NAGPA: variants seen among roughly 807,000 people sequenced by gnomAD.
NAGPA encodes alpha-N-acetylglucosaminyl phosphodiesterase.
Under a neutral mutation model 48.5 loss-of-function variants are expected in NAGPA, and 56 were observed. That is an observed-to-expected ratio of 1.15 (90% CI 0.93 to 1.44). The LOEUF is 1.44. Among genes scored for constraint, NAGPA ranks in the 40% most tolerant of loss-of-function variants. The pLI, the probability that NAGPA is intolerant of heterozygous loss-of-function variation, is 0.00. For synonymous variants in NAGPA, 399 were observed against 315.5 expected (o/e 1.26, Z -2.81); for missense variants, 888 against 735.0 (o/e 1.21, Z -2.41).
In NAGPA at chr16:5,033,328, C is replaced by G. The variant is rs1956138349; in HGVS notation, c.487G>C (p.Gly163Arg). Residue 163 changes from glycine (G) to arginine (R), a missense_variant, in exon 2 of 10, where the codon GGG (glycine) becomes CGG (arginine). Physicochemically the swap from Gly to Arg is moderately radical, Grantham distance 125. Coordinates refer to ENST00000312251, the MANE Select transcript of NAGPA (RefSeq NM_016256.4). This position sits in a 1 kb window ranked among gnomAD's most constrained non-coding sequence, Gnocchi z 4.2. ...VSDERRVSSSGGLQNAQFGIR... is the reference protein window; with the variant it reads ...VSDERRVSSSRGLQNAQFGIR... Reference sequence around the variant, plus strand: ...CCGAACTGCGCGTTCTGCAGCCCCCCGGAGCTGCTCACCCGCCGCTCGTCG... The same window carrying G: ...CCGAACTGCGCGTTCTGCAGCCCCCGGGAGCTGCTCACCCGCCGCTCGTCG... The G allele has an allele frequency of 6.3e-6, 10 of 1,597,468 alleles. No homozygotes were observed. The highest frequency in any genetic ancestry group is 8.5e-6 in the Non-Finnish European group (10 of 1,179,466).
At position 5,027,979 on chromosome 16, in the gene NAGPA, C is replaced by G. The variant is rs774053906; in HGVS notation, c.1126+1G>C. 6.2e-7 allele frequency: 1 copy of G among 1,613,704 alleles called. No individual in the cohort carries two copies. The highest frequency in any genetic ancestry group is 1.3e-5 in the African/African-American group (1 of 74,882). On this transcript the variant is annotated splice_donor_variant, in intron 6 of 9. Transcript: ENST00000312251. LOFTEE classifies it high-confidence loss of function. ...GCCCCCTCCCCAGAACCCCCACTCA[C>G]TCTCCGTGCACAGTCCGTGCTGGCT...
At chr16:5,027,234 G>A in intron 8 of NAGPA, 36 bp from the exon 9 acceptor site, 2 of 1,614,192 alleles carry the variant, frequency 1.2e-6, no homozygotes. Context: ...AGGGGCCGGA[G>A]CAGGAGCGTC....
chr16:5,032,410 C>G (rs1956116368), intron 2 of NAGPA, among the ~76,000 whole-genome samples: 1 of 151,846 alleles, frequency 6.6e-6, no homozygotes, highest in Non-Finnish European at 1.5e-5. Context: ...CATCCCAGCA[C>G]TTTGGGAGGC....
chr16:5,028,093 C>T lies in NAGPA; in HGVS notation c.1013G>A (p.Gly338Glu). Residue 338 changes from glycine to glutamate, a missense_variant, in exon 6 of 10, where the codon GGG becomes GAG. Coordinates refer to ENST00000312251, the MANE Select transcript of NAGPA (RefSeq NM_016256.4). ...TTGGCAGTGCCCGTCCACGCAGGTC[C>T]CGTGGCCGTGGCAGTCAGGCGGCTG... The part of the protein sequence containing the change: ...RCQPPDCHGH[G>E]TCVDGHCQCT... 2 of 1,612,856 alleles carry T rather than the reference C, an allele frequency of 1.2e-6. No individual in the cohort carries two copies. The highest frequency in any genetic ancestry group is 1.7e-6 in the Non-Finnish European group (2 of 1,179,598).
rs555347487 is a variant in NAGPA at position 5,027,885 on chromosome 16, G to A, written c.1135C>T (p.Arg379Cys). Residue 379 changes from arginine (R) to cysteine (C), a missense_variant, in exon 7 of 10, where the codon CGC becomes TGC. By Grantham distance (180) the Arg-to-Cys change is radical. Transcript: ENST00000312251. ...GACCCGGTCCATCCGGCATCACAGCGGCAGCCGGCTGCCGAGACAAGACCG... is the reference window on the plus strand; with the variant it reads ...GACCCGGTCCATCCGGCATCACAGCAGCAGCCGGCTGCCGAGACAAGACCG... ...QHGLCTETGC[R>C]CDAGWTGSNC... The A allele has an allele frequency of 1.1e-5, 17 of 1,588,398 alleles. No individual in the cohort carries two copies. Among genetic ancestry groups the A allele is most frequent in the Middle Eastern group, 1.7e-4 (1 of 6,036 alleles).
At position 5,033,005 on chromosome 16, in the gene NAGPA, T is replaced by G. The variant is rs969666425; in HGVS notation, c.542+268A>C. 1 of 572,554 alleles carries G rather than the reference T, an allele frequency of 1.7e-6. No individual in the cohort carries two copies. Among genetic ancestry groups the G allele is most frequent in the Non-Finnish European group, 3.1e-6 (1 of 322,604 alleles). The allele number at this position is 572,554 out of a possible 1,614,324, so 35.5% of individuals were successfully genotyped here. ...TAGCTATTTACCCGGCTTTTGTTGA[T>G]TTTTCTAGTAATGGGGGAGGGCTGT... On this transcript the variant is annotated intron_variant, in intron 2 of 9. Coordinates refer to ENST00000312251, the MANE Select transcript of NAGPA (RefSeq NM_016256.4). The surrounding 1 kb of genome is among the most constrained non-coding windows in gnomAD (Gnocchi z 4.2).
rs1241838712 is a variant in NAGPA, at chr16:5,025,730, C to T, written c.1341-45G>A. ...CCCAAGTGGGGGACTGCTGGGTGGG[C>T]TCAGGGCTTGGGTAGCACTGGAGGG... On this transcript the variant is annotated intron_variant, in intron 9 of 9. Coordinates refer to ENST00000312251, the MANE Select transcript of NAGPA (RefSeq NM_016256.4). 4.5e-6 allele frequency: 7 copies of T among 1,554,416 alleles called. No homozygotes were observed. The Admixed American group carries it at 1.4e-4, about 30-fold the overall frequency.
chr16:5,028,807 A>G (rs1355075349), intron 5 of NAGPA, 73 bp downstream of exon 5: 1 of 1,610,078 alleles, frequency 6.2e-7, no homozygotes, highest in Non-Finnish European at 8.5e-7. Context: ...CAGGCACTCA[A>G]TATTGGCTGA....
At chr16:5,027,792 G>C in intron 7 of NAGPA, 54 bp downstream of exon 7, 2 of 1,548,706 alleles carry the variant, frequency 1.3e-6, no homozygotes, top group Non-Finnish European at 1.7e-6. Context: ...AGGAGCAGTG[G>C]GGGCTGCCGG....
At chr16:5,032,094 A>G (rs947647286) in intron 2 of NAGPA, among the ~76,000 whole-genome samples, 1 of 152,054 alleles carries the variant, frequency 6.6e-6, no homozygotes, top group Non-Finnish European at 1.5e-5. Flanking sequence ...TGACAATACA[A>G]TCCCCACAAG....
At position 5,028,054 on chromosome 16, in the gene NAGPA, AAGTGCCCGGTGCATTGGC is replaced by A. The variant is rs1402271260; in HGVS notation, c.1034_1051del (p.Cys345_His350del). On this transcript the variant is annotated inframe_deletion, in exon 6 of 10. Coordinates refer to ENST00000312251, the MANE Select transcript of NAGPA (RefSeq NM_016256.4). Reference sequence around the variant, plus strand: ...CTCATCACAGCCGGGACCCCGCCAGAAGTGCCCGGTGCATTGGCAGTGCCCGTCCACGCAGGTCCCGTG... The same window carrying A: ...CTCATCACAGCCGGGACCCCGCCAGAAGTGCCCGTCCACGCAGGTCCCGTG... 2 of 1,613,064 alleles carry A rather than the reference AAGTGCCCGGTGCATTGGC, an allele frequency of 1.2e-6. No individual in the cohort carries two copies. The highest frequency in any genetic ancestry group is 8.5e-7 in the Non-Finnish European group (1 of 1,179,866).
At position 5,029,002 on chromosome 16, in the gene NAGPA, G is replaced by C. The variant is rs1488143569; in HGVS notation, c.798C>G (p.Asn266Lys). The C allele has an allele frequency of 6.2e-7, 1 of 1,613,240 alleles. No homozygotes were observed. The highest frequency in any genetic ancestry group is 1.3e-5 in the African/African-American group (1 of 74,942). Reference protein sequence around the residue: ...ADGQTEQRGINLWEMAEFLLK... With the variant: ...ADGQTEQRGIKLWEMAEFLLK... The stretch of plus-strand genomic sequence containing the variant: ...GCAGGAACTCCGCCATTTCCCACAG[G>C]TTGATGCTGCGGCACAAAGCGGCGC... Residue 266 changes from asparagine (N) to lysine (K), a missense_variant, in exon 5 of 10, where the codon AAC (asparagine) becomes AAG (lysine). Transcript: ENST00000312251.
At chr16:5,027,532 C>T (rs539600207) in intron 7 of NAGPA, among the ~76,000 whole-genome samples, 153 bp from the exon 8 acceptor site, 3 of 152,306 alleles carry the variant, frequency 2.0e-5, no homozygotes, top group African/African-American at 7.2e-5. Context: ...CTGGACTAGC[C>T]CCTGAACGTG....
chr16:5,030,563 C>A, intron 3 of NAGPA, 70 bp from the exon 4 acceptor site: 2 of 1,271,866 alleles, frequency 1.6e-6, no homozygotes, highest in Non-Finnish European at 2.2e-6. Flanking sequence ...AACTCCACTT[C>A]CCACTGGTCT....
In NAGPA at chr16:5,027,354, C is replaced by T. The variant is rs776827982; in HGVS notation, c.1200G>A (p.Pro400=). ...SEECPLGWHG[P]GCQRPCKCEH... is the part of the protein sequence containing the mutation. ...CACACTTACAAGGCCTCTGGCAGCCCGGCCCATGCCAGCCAAGGGGACACT... is the reference window on the plus strand; with the variant it reads ...CACACTTACAAGGCCTCTGGCAGCCTGGCCCATGCCAGCCAAGGGGACACT... The change falls in exon 8 of 10, where the codon CCG becomes CCA. Residue 400 remains proline (P), a synonymous_variant. Coordinates refer to ENST00000312251, the MANE Select transcript of NAGPA (RefSeq NM_016256.4). The T allele has an allele frequency of 1.9e-5, 31 of 1,613,892 alleles. 1 individual carries two copies. The highest frequency in any genetic ancestry group is 1.6e-4 in the Middle Eastern group (1 of 6,072).
In NAGPA at chr16:5,030,368, C is replaced by A. The variant is rs1956077522; in HGVS notation, c.791+17G>T. The A allele has an allele frequency of 1.3e-6, 2 of 1,549,640 alleles. No homozygotes were observed. Among genetic ancestry groups the A allele is most frequent in the African/African-American group, 2.7e-5 (2 of 72,996 alleles). ...GGACTGAGCCCCGGCCGGGGGGCCT[C>A]AGCTCCCAGGACTCACCCACGCTGC... On this transcript the variant is annotated intron_variant, in intron 4 of 9. Transcript: ENST00000312251.
chr16:5,031,764 A>G lies in NAGPA; in HGVS notation c.663T>C (p.Cys221=). ...TCCAACCTGTCTCCTGTGTCTCGTC[A>G]CACTCTGTGGCTTGGCTCTCGTTGA... The part of the protein sequence containing the change: ...IYINESQATE[C]DETQETGSFS... Residue 221 remains cysteine (C), a synonymous_variant, in exon 3 of 10, where the codon TGT becomes TGC. Coordinates refer to ENST00000312251, the MANE Select transcript of NAGPA (RefSeq NM_016256.4). The G allele has an allele frequency of 6.2e-7, 1 of 1,614,034 alleles. No homozygotes were observed. Among genetic ancestry groups the G allele is most frequent in the Non-Finnish European group, 8.5e-7 (1 of 1,180,006 alleles).
intron 9 of NAGPA, among the ~76,000 whole-genome samples, chr16:5,025,959 C>T (rs1431426066): frequency 5.3e-5 from 8 of 149,938 alleles, no homozygotes; most frequent in Admixed American, 3.3e-4. Context: ...GACAGAGTCT[C>T]GCCCTGTCAT....
At position 5,030,396 on chromosome 16, in the gene NAGPA, C is replaced by T. The variant is rs147558574; in HGVS notation, c.780G>A (p.Thr260=). The change falls in exon 4 of 10, where the codon ACG becomes ACA. Residue 260 remains threonine, a synonymous_variant. Transcript: ENST00000312251. ...QLVLFHADGQ[T]EQRGINLWEM... is the part of the protein sequence containing the mutation. Reference sequence around the variant, plus strand: ...CTCCCAGGACTCACCCACGCTGCTCCGTTTGGCCGTCTGCATGAAAGAGCA... The same window carrying T: ...CTCCCAGGACTCACCCACGCTGCTCTGTTTGGCCGTCTGCATGAAAGAGCA... 6.4e-6 allele frequency: 10 copies of T among 1,551,714 alleles called. No homozygotes were observed. Among genetic ancestry groups the T allele is most frequent in the African/African-American group, 1.4e-5 (1 of 73,164 alleles).
Sources: allele counts gnomAD v4.1 joint callset (sites outside exome capture counted in the v4.1 genomes callset), GRCh38; gene constraint gnomAD v4.1.1; non-coding constraint Gnocchi (gnomAD v3.1); transcripts MANE v1.5; gene names NCBI Gene and HGNC (gene_info 2026-07-23, HGNC 2026-07-21).